The following OXR1 variants were observed in gnomAD, a reference collection of about 807,000 sequenced individuals.
OXR1 encodes the protein oxidation resistance 1.
In OXR1, 41 loss-of-function variants were observed where a neutral mutation model predicts 104.6. The ratio of observed to expected loss-of-function variants is 0.39; its 90% CI spans 0.31 to 0.51. OXR1 has a LOEUF of 0.51. Among genes scored for constraint, OXR1 ranks in the 20% least tolerant of loss-of-function variants. OXR1 has a pLI of 0.77. For synonymous variants in OXR1, 348 were observed against 348.4 expected (o/e 1.00, Z 0.01); for missense variants, 955 against 1,031.9 (o/e 0.93, Z 1.02).
chr8:106,487,733 C>G (rs866876279), intron 2 of OXR1, among the ~76,000 whole-genome samples: 1,858 of 151,142 alleles, frequency 0.012, 34 homozygotes, highest in African/African-American at 0.039. Flanking sequence ...TCATCCATGT[C>G]CCTACAAAGG....
chr8:106,447,998 A>AGGTT (rs1563528926), intron 2 of OXR1: 1 of 1,529,254 alleles, frequency 6.5e-7, no homozygotes, highest in Non-Finnish European at 8.7e-7. Flanking sequence ...CACAGCTATA[A>AGGTT]GGTTGCCTGC....
chr8:106,561,020 CAGG>C (rs1313033291), intron 3 of OXR1, among the ~76,000 whole-genome samples: 1 of 152,266 alleles, frequency 6.6e-6, no homozygotes, highest in African/African-American at 2.4e-5. Flanking sequence ...ACCCACAGAC[CAGG>C]AGATTACCTT....
chr8:106,535,404 G>C (rs1814435928), intron 3 of OXR1, among the ~76,000 whole-genome samples: 1 of 152,164 alleles, frequency 6.6e-6, no homozygotes, highest in Non-Finnish European at 1.5e-5. Flanking sequence ...GAAAGAAGGA[G>C]AGAAACTTTT....
chr8:106,668,134 C>A (rs1480106320), intron 3 of OXR1, among the ~76,000 whole-genome samples: 1 of 151,998 alleles, frequency 6.6e-6, no homozygotes, highest in African/African-American at 2.4e-5. Context: ...TTACATTGTC[C>A]ATGTTTGTAA....
chr8:106,710,802 A>C lies in OXR1; in HGVS notation c.1793+12A>C, dbSNP rs1273060920. On this transcript the variant is annotated intron_variant, in intron 10 of 16. Coordinates refer to ENST00000517566, the MANE Select transcript of OXR1 (RefSeq NM_001198533.2). ...GTGCCACAAGAAAGGTAAAAAACCC[A>C]TACGACACCTTGAGAGCATTATTGA... 1 of 1,463,314 alleles carries C rather than the reference A, an allele frequency of 6.8e-7. No homozygotes were observed. Among genetic ancestry groups the C allele is most frequent in the Non-Finnish European group, 9.1e-7 (1 of 1,098,012 alleles). The allele number at this position is 1,463,314 out of a possible 1,614,324, so 90.6% of individuals were successfully genotyped here.
At chr8:106,285,996 G>T (rs1306743522) in intron 1 of OXR1, among the ~76,000 whole-genome samples, 1 of 132,022 alleles carries the variant, frequency 7.6e-6, no homozygotes, top group Non-Finnish European at 1.7e-5. Context: ...TGTGGTAGAT[G>T]TGGGGCTAAT....
chr8:106,716,996 G>T (rs1480646381), intron 11 of OXR1, among the ~76,000 whole-genome samples: 1 of 151,984 alleles, frequency 6.6e-6, no homozygotes, highest in Non-Finnish European at 1.5e-5. Flanking sequence ...GACCAGCCTG[G>T]CCAATATGGT....
intron 3 of OXR1, among the ~76,000 whole-genome samples, chr8:106,638,374 G>A (rs184409707): frequency 6.6e-6 from 1 of 151,928 alleles, no homozygotes; most frequent in Non-Finnish European, 1.5e-5. Context: ...TGATACTTAC[G>A]CATTTTTTAG....
At chr8:106,556,188 T>G (rs1028945139) in intron 3 of OXR1, among the ~76,000 whole-genome samples, 11 of 152,204 alleles carry the variant, frequency 7.2e-5, no homozygotes, top group African/African-American at 2.4e-4. Flanking sequence ...TGATACTTCC[T>G]TTTTGGTGAT....
intron 3 of OXR1, among the ~76,000 whole-genome samples, chr8:106,558,944 AG>A (rs1473553570): frequency 2.0e-5 from 3 of 152,334 alleles, no homozygotes; most frequent in African/African-American, 7.2e-5. Context: ...TTAGGAGAAA[AG>A]GTGGTAGTGA....
intron 3 of OXR1, among the ~76,000 whole-genome samples, chr8:106,590,630 C>T (rs1459035171): frequency 2.6e-5 from 4 of 152,220 alleles, no homozygotes; most frequent in Non-Finnish European, 1.5e-5. Flanking sequence ...GCCTATAACT[C>T]TTAGGCTATG....
chr8:106,611,157 A>C (rs1162751289), intron 3 of OXR1, among the ~76,000 whole-genome samples: 1 of 152,234 alleles, frequency 6.6e-6, no homozygotes, highest in Non-Finnish European at 1.5e-5. Context: ...CCCTCTAAAG[A>C]GGAGGTATGT....
chr8:106,716,862 G>T (rs1467634826), intron 11 of OXR1, among the ~76,000 whole-genome samples: 2 of 151,944 alleles, frequency 1.3e-5, no homozygotes, highest in African/African-American at 4.8e-5. Context: ...TATTGCTCTT[G>T]TGCAGTGCAG....
chr8:106,694,538 T>C (rs1429934520), intron 7 of OXR1, among the ~76,000 whole-genome samples: 1 of 132,162 alleles, frequency 7.6e-6, no homozygotes, highest in East Asian at 2.2e-4. Context: ...TGTTTATATA[T>C]ATTTGATATA....
intron 2 of OXR1, among the ~76,000 whole-genome samples, chr8:106,379,520 T>A (rs1295288091): frequency 1.3e-5 from 2 of 149,248 alleles, no homozygotes; most frequent in African/African-American, 4.9e-5. Flanking sequence ...TTCTTTTTTT[T>A]ACTTTTTTCT....
chr8:106,635,747 C>T (rs1474730900), intron 3 of OXR1, among the ~76,000 whole-genome samples: 1 of 152,088 alleles, frequency 6.6e-6, no homozygotes, highest in Non-Finnish European at 1.5e-5. Context: ...TGCACCCGGC[C>T]TCGAATTTTA....
chr8:106,500,661 A>G (rs560038662), intron 2 of OXR1, among the ~76,000 whole-genome samples: 126 of 152,198 alleles, frequency 8.3e-4, no homozygotes, highest in Non-Finnish European at 1.4e-3. Context: ...TCCTGCTACA[A>G]TACATTGAAG....
intron 3 of OXR1, among the ~76,000 whole-genome samples, chr8:106,671,044 C>CACAAA (rs1826901976): frequency 2.0e-5 from 1 of 48,926 alleles, no homozygotes; most frequent in Non-Finnish European, 3.5e-5. Flanking sequence ...GACTCTGTCT[C>CACAAA]AAAAAAAAAA....
chr8:106,336,074 C>T lies in OXR1; in HGVS notation c.-138-23402C>T, dbSNP rs909216130. 4.6e-5 allele frequency among the ~76,000 whole-genome samples: 7 copies of T among 152,150 alleles called. No homozygotes were observed. The South Asian group carries it at 6.2e-4, about 14-fold the overall frequency. ...TCATGCCACTGCACTCCAGTCTGAG[C>T]GACAGAGTGAGACTGTTTCTTCATA... On this transcript the variant is annotated intron_variant, in intron 1 of 16. Coordinates refer to ENST00000517566, the MANE Select transcript of OXR1 (RefSeq NM_001198533.2).
Sources: gnomAD v4.1 joint callset for allele counts (sites outside exome capture counted in the v4.1 genomes callset) on GRCh38, gnomAD v4.1.1 for gene constraint, MANE v1.5 for transcripts, NCBI Gene and HGNC (gene_info 2026-07-23, HGNC 2026-07-21) for gene names.